The following APOOL variants were observed in gnomAD, a reference collection of about 807,000 sequenced individuals.
APOOL encodes apolipoprotein O like.
APOOL carries 12 observed loss-of-function variants against 23.1 expected under a neutral mutation model. The observed-to-expected ratio is 0.52, with a 90% CI of 0.33 to 0.84. The LOEUF (loss-of-function observed/expected upper bound fraction) is 0.84. Among genes scored for constraint, APOOL ranks in the 40% least tolerant of loss-of-function variants. The probability of loss-of-function intolerance (pLI) is 0.02; values close to 1 mark genes in which losing one functional copy is unlikely to be tolerated. For synonymous variants in APOOL, 77 were observed against 69.9 expected (o/e 1.10, Z -0.51); for missense variants, 212 against 199.6 (o/e 1.06, Z -0.37).
At chrX:85,061,908 G>A (rs5923247) in intron 5 of APOOL, among the ~76,000 whole-genome samples, 50 of 109,637 alleles carry the variant, frequency 4.6e-4, no homozygotes, top group South Asian at 2.8e-3. Flanking sequence ...TAGTTATTTC[G>A]TGCCTTCTGC....
rs773803700 is a variant in APOOL at position 85,061,313 on chromosome X, G to C, written c.394+5388G>C. Among the ~76,000 whole-genome samples, 49 of 111,524 alleles carry C rather than the reference G, an allele frequency of 4.4e-4. 1 individual carries two copies. Among genetic ancestry groups the C allele is most frequent in the South Asian group, 3.1e-3 (8 of 2,600 alleles). On this transcript the variant is annotated intron_variant, in intron 5 of 8. Transcript: ENST00000373173. ...TTTTATTGAGGATTTTTGCATCAAT[G>C]TTCATCAAGGATATTGGTCTAAAAT...
chrX:85,061,475 C>A (rs1779682519), intron 5 of APOOL, among the ~76,000 whole-genome samples: 1 of 111,952 alleles, frequency 8.9e-6, no homozygotes, highest in Admixed American at 9.5e-5. Flanking sequence ...CCTCTTTGTA[C>A]CTCTGGTAGA....
At position 85,078,859 on chromosome X, in the gene APOOL, A is replaced by C. The variant is rs187415238; in HGVS notation, c.718+4468A>C. Among the ~76,000 whole-genome samples the C allele has an allele frequency of 5.9e-3, 660 of 111,299 alleles. 5 individuals are homozygous for C. Among genetic ancestry groups the C allele is most frequent in the African/African-American group, 0.021 (637 of 30,588 alleles). On this transcript the variant is annotated intron_variant, in intron 8 of 8. Transcript: ENST00000373173. ...TTTATTCTCTTTGTAGCAATTGTGAATGGGAATTCACTCATGATTTGGCTC... is the reference window on the plus strand; with the variant it reads ...TTTATTCTCTTTGTAGCAATTGTGACTGGGAATTCACTCATGATTTGGCTC...
intron 8 of APOOL, among the ~76,000 whole-genome samples, chrX:85,081,262 G>T (rs1924089302): frequency 1.8e-5 from 2 of 111,456 alleles, no homozygotes; most frequent in Admixed American, 9.6e-5. Flanking sequence ...CTTCCTTCAG[G>T]AGCTCTTTTA....
chrX:85,033,921 C>A (rs1295927755), intron 1 of APOOL, among the ~76,000 whole-genome samples: 1 of 111,297 alleles, frequency 9.0e-6, no homozygotes, highest in East Asian at 2.8e-4. Flanking sequence ...CTTGTTACTT[C>A]TCCCATTTTG....
chrX:85,087,605 T>C lies in APOOL; in HGVS notation c.734T>C (p.Met245Thr). The C allele has an allele frequency of 8.3e-7, 1 of 1,201,580 alleles. No individual in the cohort carries two copies. The highest frequency in any genetic ancestry group is 1.8e-5 in the South Asian group (1 of 54,964). The change falls in exon 9 of 9, where the codon ATG (methionine) becomes ACG (threonine). Residue 245 changes from methionine to threonine, a missense_variant. Met to Thr is a moderately conservative substitution (Grantham distance 81, BLOSUM62 -1). Transcript: ENST00000373173. ...ACTTTATCAGGTGCAACCCAGTTTA[T>C]GCCTGACCCCAAGCTCATGGATCAC... ...SESTSGATQF[M>T]PDPKLMDHGQ...
intron 4 of APOOL, among the ~76,000 whole-genome samples, chrX:85,055,503 A>G (rs891578862): frequency 8.9e-6 from 1 of 111,977 alleles, no homozygotes; most frequent in Non-Finnish European, 1.9e-5. Flanking sequence ...GAGATATAAT[A>G]CATACGCAGT....
intron 2 of APOOL, among the ~76,000 whole-genome samples, chrX:85,049,196 C>T (rs1380783047): frequency 1.8e-5 from 2 of 111,552 alleles, no homozygotes; most frequent in Non-Finnish European, 3.8e-5. Context: ...CAAGTTCTAT[C>T]TATACAATAA....
intron 1 of APOOL, among the ~76,000 whole-genome samples, chrX:85,033,054 T>C (rs1212005395): frequency 8.9e-6 from 1 of 112,285 alleles, no homozygotes; most frequent in African/African-American, 3.2e-5. Flanking sequence ...AAGTGCTATA[T>C]TGAAAAAGTT....
intron 1 of APOOL, among the ~76,000 whole-genome samples, chrX:85,043,410 A>T (rs1222836054): frequency 6.0e-5 from 6 of 100,781 alleles, no homozygotes; most frequent in Admixed American, 1.1e-4. Flanking sequence ...GAGGCTGGCA[A>T]TTTTTTTTTT....
chrX:85,039,436 T>C (rs1025029646), intron 1 of APOOL, among the ~76,000 whole-genome samples: 4 of 111,065 alleles, frequency 3.6e-5, no homozygotes, highest in African/African-American at 1.3e-4. Context: ...CATATGGTCA[T>C]GTGTCAAGTT....
At chrX:85,042,220 A>G (rs898747233) in intron 1 of APOOL, among the ~76,000 whole-genome samples, 1 of 112,244 alleles carries the variant, frequency 8.9e-6, no homozygotes, top group Non-Finnish European at 1.9e-5. Context: ...AGACTAACAA[A>G]ACAAAAGAGA....
At chrX:85,076,439 T>C (rs1923838305) in intron 8 of APOOL, among the ~76,000 whole-genome samples, 2 of 109,849 alleles carry the variant, frequency 1.8e-5, no homozygotes, top group African/African-American at 6.6e-5. Context: ...TGGGGCAAGT[T>C]ATCAAACACC....
intron 1 of APOOL, among the ~76,000 whole-genome samples, chrX:85,012,524 G>A (rs1474596769): frequency 9.0e-6 from 1 of 111,328 alleles, no homozygotes; most frequent in Non-Finnish European, 1.9e-5. Flanking sequence ...TCCCTTCTAT[G>A]CCAGTTTTGC....
chrX:85,035,508 G>A (rs1922187351), intron 1 of APOOL, among the ~76,000 whole-genome samples: 1 of 111,165 alleles, frequency 9.0e-6, no homozygotes, highest in African/African-American at 3.3e-5. Flanking sequence ...TGGTGTCTTT[G>A]CTGGGAAACC....
At chrX:85,067,979 T>TA (rs1263217457) in intron 6 of APOOL, among the ~76,000 whole-genome samples, 1 of 111,039 alleles carries the variant, frequency 9.0e-6, no homozygotes, top group Non-Finnish European at 1.9e-5. Flanking sequence ...TTCATCCCTT[T>TA]AACTATTGAT....
intron 6 of APOOL, among the ~76,000 whole-genome samples, chrX:85,068,712 CTTCTTTT>C (rs1174423166): frequency 9.0e-6 from 1 of 111,413 alleles, no homozygotes; most frequent in Non-Finnish European, 1.9e-5. Flanking sequence ...GGCCCTGATT[CTTCTTTT>C]TTCTAAGAGT....
chrX:85,055,680 C>T, intron 4 of APOOL, 147 bp from the exon 5 acceptor site: 2 of 364,214 alleles, frequency 5.5e-6, no homozygotes, highest in Non-Finnish European at 9.1e-6. Flanking sequence ...GCTTGCTACT[C>T]ATATTGTCAT....
At chrX:85,084,134 C>CT (rs35647720) in intron 8 of APOOL, among the ~76,000 whole-genome samples, 2,573 of 83,698 alleles carry the variant, frequency 0.031, 141 homozygotes, top group African/African-American at 0.087. Flanking sequence ...TGAGATGAAG[C>CT]TTTTTTTTTT....
Sources: allele counts gnomAD v4.1 joint callset (sites outside exome capture counted in the v4.1 genomes callset), GRCh38; gene constraint gnomAD v4.1.1; transcripts MANE v1.5; gene names NCBI Gene and HGNC (gene_info 2026-07-23, HGNC 2026-07-21).